Variants in FRK observed in about 807,000 individuals in gnomAD.
FRK encodes the protein fyn related Src family tyrosine kinase.
In FRK, 51 loss-of-function variants were observed where a neutral mutation model predicts 56.4. That is an observed-to-expected ratio of 0.90 (90% CI 0.72 to 1.14). FRK has a LOEUF of 1.14. Ranked by LOEUF, FRK falls within the 50% of genes most tolerant of loss-of-function variation. The probability of loss-of-function intolerance (pLI) is 0.00; values close to 1 mark genes in which losing one functional copy is unlikely to be tolerated. For missense variants in FRK, 570 were observed against 601.4 expected (o/e 0.95, Z 0.55); for synonymous variants, 245 against 217.9 (o/e 1.12, Z -1.10).
At position 116,060,428 on chromosome 6, in the gene FRK, G is replaced by C; in HGVS notation, c.-117C>G. On this transcript the variant is annotated 5_prime_UTR_variant, in exon 1 of 8. Coordinates refer to ENST00000606080, the MANE Select transcript of FRK (RefSeq NM_002031.3). Reference sequence around the variant, plus strand: ...AGTCAGCACCAACTCACCATACTTCGGAGAGTATGCAAAGTCCCGTTTCAG... The same window carrying C: ...AGTCAGCACCAACTCACCATACTTCCGAGAGTATGCAAAGTCCCGTTTCAG... 1.3e-6 allele frequency: 1 copy of C among 757,774 alleles called. No homozygotes were observed. The allele number at this position is 757,774 out of a possible 1,614,324, so 46.9% of individuals were successfully genotyped here. A position where few individuals can be genotyped will look rare whatever the true frequency, so the allele number is the denominator to read the frequency against.
In FRK at chr6:116,059,949, A is replaced by G. The variant is rs756573932; in HGVS notation, c.344+19T>C. On this transcript the variant is annotated intron_variant, in intron 1 of 7. Transcript: ENST00000606080. ...CCCTCAGAGAGTTCAGAAATTAAGT[A>G]TAAGTTTGTACTACTCACGGCTCTG... The G allele has an allele frequency of 3.1e-6, 5 of 1,588,320 alleles. No homozygotes were observed. The African/African-American group carries it at 4.0e-5, about 13-fold the overall frequency.
At chr6:116,047,122 C>A (rs1376603581) in intron 1 of FRK, among the ~76,000 whole-genome samples, 1 of 151,746 alleles carries the variant, frequency 6.6e-6, no homozygotes, top group Non-Finnish European at 1.5e-5. Flanking sequence ...CACAACATGA[C>A]CTCAAAATGT....
chr6:115,965,192 C>A (rs1432014461), intron 4 of FRK, among the ~76,000 whole-genome samples: 1 of 143,650 alleles, frequency 7.0e-6, no homozygotes, highest in African/African-American at 2.6e-5. Flanking sequence ...TGAACTCAAA[C>A]AAATTTACAA....
chr6:115,995,770 C>T (rs1231257129), intron 2 of FRK, among the ~76,000 whole-genome samples: 3 of 152,040 alleles, frequency 2.0e-5, no homozygotes, highest in Non-Finnish European at 4.4e-5. Flanking sequence ...CACAGACACA[C>T]GTGCACATAA....
chr6:116,092,810 C>T, the FRK span, among the ~76,000 whole-genome samples: 1 of 152,124 alleles, frequency 6.6e-6, no homozygotes, highest in Non-Finnish European at 1.5e-5. Context: ...AAATCATGGG[C>T]AGATTTTTCT....
At chr6:116,033,509 T>C (rs1164529313) in intron 1 of FRK, among the ~76,000 whole-genome samples, 1 of 152,134 alleles carries the variant, frequency 6.6e-6, no homozygotes, top group Non-Finnish European at 1.5e-5. Context: ...TATTGAACAA[T>C]AAATTTTAAA....
chr6:116,075,132 G>C, the FRK span, among the ~76,000 whole-genome samples: 2 of 152,100 alleles, frequency 1.3e-5, no homozygotes, highest in Non-Finnish European at 2.9e-5. Flanking sequence ...TTTTGGAAGA[G>C]AAACCAGTTC....
At chr6:116,083,870 A>G in the FRK span, among the ~76,000 whole-genome samples, 1 of 148,906 alleles carries the variant, frequency 6.7e-6, no homozygotes, top group African/African-American at 2.5e-5. Flanking sequence ...TATGTTGCCC[A>G]GGCTGGTCTC....
chr6:116,091,850 C>T, the FRK span, among the ~76,000 whole-genome samples: 15 of 152,190 alleles, frequency 9.9e-5, no homozygotes, highest in South Asian at 2.1e-4. Context: ...CGAGGGTCGA[C>T]GGAGAGGAAA....
At chr6:116,007,827 C>T (rs1775303016) in intron 1 of FRK, among the ~76,000 whole-genome samples, 1 of 144,950 alleles carries the variant, frequency 6.9e-6, no homozygotes, top group African/African-American at 2.6e-5. Context: ...CTAGAGGTGA[C>T]AGTAATGCAT....
intron 1 of FRK, chr6:116,039,634 T>C (rs2114784141): frequency 2.6e-6 from 2 of 755,624 alleles, no homozygotes; most frequent in Non-Finnish European, 4.9e-6. Flanking sequence ...TGTACCTTCC[T>C]TTACTGTTTA....
chr6:115,934,409 G>A lies in FRK; in HGVS notation c.*8005C>T, dbSNP rs1772008799. ...AAAATGAAAATAATTTTTAATCCAA[G>A]CTTGGGATAGAGATTTCCCATTTTC... On this transcript the variant is annotated 3_prime_UTR_variant, in exon 8 of 8. Coordinates refer to ENST00000606080, the MANE Select transcript of FRK (RefSeq NM_002031.3). 1 of 152,210 alleles carries A rather than the reference G, an allele frequency of 6.6e-6. No homozygotes were observed. 9.4% of individuals were successfully genotyped at this position (152,210 alleles called of 1,614,324 possible).
chr6:116,069,639 G>T, the FRK span, among the ~76,000 whole-genome samples: 1 of 152,050 alleles, frequency 6.6e-6, no homozygotes, highest in Non-Finnish European at 1.5e-5. Flanking sequence ...TATAAAAGTG[G>T]ATTAATTCTG....
At chr6:116,041,803 A>G (rs1776724774) in intron 1 of FRK, among the ~76,000 whole-genome samples, 1 of 152,202 alleles carries the variant, frequency 6.6e-6, no homozygotes, top group Non-Finnish European at 1.5e-5. Flanking sequence ...CTGGGTTTGA[A>G]GCACAAAACT....
intron 1 of FRK, among the ~76,000 whole-genome samples, chr6:116,042,263 T>C (rs796083467): frequency 2.2e-4 from 33 of 152,064 alleles, no homozygotes; most frequent in African/African-American, 7.7e-4. Flanking sequence ...GGCTTATAGA[T>C]AAAATTCCCA....
At chr6:116,007,523 T>C (rs1775288139) in intron 1 of FRK, among the ~76,000 whole-genome samples, 1 of 152,202 alleles carries the variant, frequency 6.6e-6, no homozygotes, top group Non-Finnish European at 1.5e-5. Flanking sequence ...ATATGAACCA[T>C]TATTTTTGCA....
rs188394161 is a variant in FRK at position 115,939,560 on chromosome 6, T to C, written c.*2854A>G. Reference sequence around the variant, plus strand: ...TAAAATTGTCTCTGTTTGCAGATGATATGAATTGTATATATAGGGAACCCC... The same window carrying C: ...TAAAATTGTCTCTGTTTGCAGATGACATGAATTGTATATATAGGGAACCCC... On this transcript the variant is annotated 3_prime_UTR_variant, in exon 8 of 8. Coordinates refer to ENST00000606080, the MANE Select transcript of FRK (RefSeq NM_002031.3). The C allele has an allele frequency of 1.3e-3, 198 of 152,258 alleles. No homozygotes were observed. Among genetic ancestry groups the C allele is most frequent in the African/African-American group, 4.5e-3 (187 of 41,540 alleles). The allele number at this position is 152,258 out of a possible 1,614,324, so 9.4% of individuals were successfully genotyped here.
chr6:116,022,273 ACT>A (rs1775899066), intron 1 of FRK, among the ~76,000 whole-genome samples: 3 of 152,026 alleles, frequency 2.0e-5, no homozygotes, highest in Admixed American at 2.0e-4. Context: ...TTACACATAA[ACT>A]CTTTCAGAAA....
chr6:115,958,068 C>T (rs544055019), intron 4 of FRK, among the ~76,000 whole-genome samples: 1 of 152,304 alleles, frequency 6.6e-6, no homozygotes, highest in African/African-American at 2.4e-5. Flanking sequence ...ATGGCCGATT[C>T]TCTTTTCCGT....
Sources: gnomAD v4.1 joint callset for allele counts (sites outside exome capture counted in the v4.1 genomes callset) on GRCh38, gnomAD v4.1.1 for gene constraint, MANE v1.5 for transcripts, NCBI Gene and HGNC (gene_info 2026-07-23, HGNC 2026-07-21) for gene names.